MVB12B: variants seen among roughly 807,000 people sequenced by gnomAD.
The protein encoded by MVB12B is multivesicular body subunit 12B, also known as ESCRT-I complex subunit MVB12B.
A neutral mutation model predicts 41.6 loss-of-function variants in MVB12B; 16 were observed. That is an observed-to-expected ratio of 0.38 (90% CI 0.26 to 0.58). MVB12B has a LOEUF of 0.58. MVB12B is among the 20% of genes least tolerant of loss of function. MVB12B has a pLI of 0.62. For synonymous variants in MVB12B, 133 were observed against 139.7 expected (o/e 0.95, Z 0.34); for missense variants, 274 against 380.2 (o/e 0.72, Z 2.32).
chr9:126,328,300 G>A (rs537396800), intron 1 of MVB12B, among the ~76,000 whole-genome samples: 4 of 152,180 alleles, frequency 2.6e-5, no homozygotes, highest in South Asian at 2.1e-4. Context: ...TTGACGTGGC[G>A]ATTACTGGTT....
At chr9:126,501,261 G>A (rs776965761) in intron 9 of MVB12B, among the ~76,000 whole-genome samples, 9 of 152,228 alleles carry the variant, frequency 5.9e-5, no homozygotes, top group Non-Finnish European at 1.3e-4. Context: ...CTAGGGCGCG[G>A]CGGGCCCTGA....
At chr9:126,479,625 G>T (rs763857088) in intron 7 of MVB12B, among the ~76,000 whole-genome samples, 1 of 152,116 alleles carries the variant, frequency 6.6e-6, no homozygotes, top group Non-Finnish European at 1.5e-5. Flanking sequence ...CATCTCTTCC[G>T]TCAGCTCACA....
At chr9:126,464,878 A>G (rs958938759) in intron 7 of MVB12B, among the ~76,000 whole-genome samples, 3 of 152,186 alleles carry the variant, frequency 2.0e-5, no homozygotes, top group Non-Finnish European at 4.4e-5. Context: ...GGGCATGGGA[A>G]TGCCAGTGCC....
intron 2 of MVB12B, among the ~76,000 whole-genome samples, chr9:126,374,539 G>T (rs1438862678): frequency 6.6e-6 from 1 of 152,070 alleles, no homozygotes; most frequent in East Asian, 1.9e-4. Flanking sequence ...ATGTGAGACA[G>T]GGGTGGGGGC....
intron 9 of MVB12B, among the ~76,000 whole-genome samples, chr9:126,487,525 T>G (rs1229031873): frequency 1.3e-5 from 2 of 152,194 alleles, no homozygotes; most frequent in Non-Finnish European, 2.9e-5. Context: ...TTTGGAAGGC[T>G]GAGGCAAGCA....
At chr9:126,372,720 GA>G (rs1177409969) in intron 2 of MVB12B, among the ~76,000 whole-genome samples, 1 of 152,130 alleles carries the variant, frequency 6.6e-6, no homozygotes. Context: ...AGTGACTTTG[GA>G]AAACCCTAGT....
rs751809462 is a variant in MVB12B at position 126,392,833 on chromosome 9, G to A, written c.539+638G>A. 2.6e-5 allele frequency among the ~76,000 whole-genome samples: 4 copies of A among 152,208 alleles called. No homozygotes were observed. The highest frequency in any genetic ancestry group is 5.9e-5 in the Non-Finnish European group (4 of 68,026). On this transcript the variant is annotated intron_variant, in intron 5 of 9. Coordinates refer to ENST00000361171, the MANE Select transcript of MVB12B (RefSeq NM_033446.3). The surrounding 1 kb of genome is among the most constrained non-coding windows in gnomAD (Gnocchi z 4.8). ...AGAGAAGTGGGAATGAGCATGGCAC[G>A]TTCTGGGAGCAGAACACAGCCCTGT...
intron 2 of MVB12B, among the ~76,000 whole-genome samples, chr9:126,380,786 G>T (rs1393681060): frequency 6.6e-6 from 1 of 152,142 alleles, no homozygotes; most frequent in East Asian, 1.9e-4. Context: ...TCCCTTCTTG[G>T]TCCATTACGA....
At chr9:126,461,629 C>T (rs536126821) in intron 7 of MVB12B, among the ~76,000 whole-genome samples, 12 of 152,192 alleles carry the variant, frequency 7.9e-5, no homozygotes, top group African/African-American at 1.4e-4. Context: ...GAAATGTTTT[C>T]GTGAGGGTGC....
intron 6 of MVB12B, among the ~76,000 whole-genome samples, chr9:126,405,274 G>A (rs1831387029): frequency 6.6e-6 from 1 of 152,052 alleles, no homozygotes; most frequent in Admixed American, 6.6e-5. Context: ...GAGAAGCAGG[G>A]TTAGAAATGG....
intron 9 of MVB12B, among the ~76,000 whole-genome samples, chr9:126,497,487 C>T (rs1302199587): frequency 6.6e-6 from 1 of 152,164 alleles, no homozygotes; most frequent in East Asian, 1.9e-4. Flanking sequence ...GACCTCGGCT[C>T]ACTCCCCAGT....
rs1257736261 is a variant in MVB12B at position 126,378,580 on chromosome 9, T to C, written c.205-2484T>C. 2.0e-5 allele frequency among the ~76,000 whole-genome samples: 3 copies of C among 152,056 alleles called. No homozygotes were observed. In the East Asian group the frequency reaches 5.8e-4, roughly 29 times the overall value. ...CCTTCTCTGCCCAGTACTGCCTTCC[T>C]TGGAGGTTAGGGGAGTCTCTCTCTC... On this transcript the variant is annotated intron_variant, in intron 2 of 9. Transcript: ENST00000361171.
At chr9:126,378,564 C>T (rs571433480) in intron 2 of MVB12B, among the ~76,000 whole-genome samples, 1 of 152,218 alleles carries the variant, frequency 6.6e-6, no homozygotes, top group South Asian at 2.1e-4. Flanking sequence ...CCCTTCTCTG[C>T]CCAGTACTGC....
At chr9:126,500,047 C>T (rs1833921956) in intron 9 of MVB12B, among the ~76,000 whole-genome samples, 1 of 152,194 alleles carries the variant, frequency 6.6e-6, no homozygotes, top group Admixed American at 6.5e-5. Flanking sequence ...CTCCCCCGCT[C>T]ACCATCCAGA....
Position 126,470,311 on chromosome 9 carries a change from C to G in MVB12B, c.758-11058C>G, listed in dbSNP as rs1049464298. On this transcript the variant is annotated intron_variant, in intron 7 of 9. Transcript: ENST00000361171. ...GTGGTGTCTGCTATCTCTGGTGTTG[C>G]AAGTCAAGCTCGACTTGGAAGCAAG... Among the ~76,000 whole-genome samples, 6 of 152,260 alleles carry G rather than the reference C, an allele frequency of 3.9e-5. No individual in the cohort carries two copies. In the South Asian group the frequency reaches 1.0e-3, roughly 26 times the overall value.
chr9:126,446,511 C>A (rs199905560), intron 7 of MVB12B, among the ~76,000 whole-genome samples: 805 of 112,760 alleles, frequency 7.1e-3, no homozygotes, highest in South Asian at 8.8e-3. Context: ...AAAAGAACAC[C>A]AAAAAAAAAA....
chr9:126,408,263 G>A (rs1342709488), intron 6 of MVB12B: 2 of 152,194 alleles, frequency 1.3e-5, no homozygotes, highest in African/African-American at 2.4e-5. Flanking sequence ...TTTGGAAAGT[G>A]TGTCAAAACA....
intron 1 of MVB12B, among the ~76,000 whole-genome samples, chr9:126,332,351 C>T (rs557310359): frequency 6.0e-4 from 92 of 152,310 alleles, no homozygotes; most frequent in Non-Finnish European, 1.1e-3. Context: ...TGGCTGTGCA[C>T]TCTCCAGTCT....
chr9:126,439,666 T>TC (rs1393079922), intron 7 of MVB12B, among the ~76,000 whole-genome samples: 1 of 152,236 alleles, frequency 6.6e-6, no homozygotes, highest in Non-Finnish European at 1.5e-5. Flanking sequence ...ACGTGAAACC[T>TC]TTCACATACC....
Sources: allele counts gnomAD v4.1 joint callset (sites outside exome capture counted in the v4.1 genomes callset), GRCh38; gene constraint gnomAD v4.1.1; non-coding constraint Gnocchi (gnomAD v3.1); transcripts MANE v1.5; gene names NCBI Gene and HGNC (gene_info 2026-07-23, HGNC 2026-07-21).